CHST10: variants seen among roughly 807,000 people sequenced by gnomAD.
CHST10 encodes carbohydrate sulfotransferase 10.
In CHST10, 24 loss-of-function variants were observed where a neutral mutation model predicts 34.7. The observed-to-expected ratio is 0.69, with a 90% CI of 0.50 to 0.97. The LOEUF (loss-of-function observed/expected upper bound fraction) is 0.97, where lower values mean the gene tolerates loss of function less well. CHST10 is among the 50% of genes least tolerant of loss of function. The probability of loss-of-function intolerance (pLI) is 0.00; values close to 1 mark genes in which losing one functional copy is unlikely to be tolerated. For synonymous variants in CHST10, 161 were observed against 169.3 expected, an observed-to-expected ratio of 0.95 and a Z score of 0.38; for missense variants, 402 against 452.1, an observed-to-expected ratio of 0.89 and a Z score of 1.00.
At position 100,393,101 on chromosome 2, in the gene CHST10, G is replaced by A; in HGVS notation, c.*144C>T. 2.5e-6 allele frequency: 2 copies of A among 788,132 alleles called. No homozygotes were observed. The highest frequency in any genetic ancestry group is 4.1e-6 in the Non-Finnish European group (2 of 490,686). The allele number at this position is 788,132 out of a possible 1,614,324, so 48.8% of individuals were successfully genotyped here. A position where few individuals can be genotyped will look rare whatever the true frequency, so the allele number is the denominator to read the frequency against. ...TAACAGTTGGGGTTCTGCGTCATATGCCGAGGCAACTCACAGGCCTGTGGG... is the reference window on the plus strand; with the variant it reads ...TAACAGTTGGGGTTCTGCGTCATATACCGAGGCAACTCACAGGCCTGTGGG... On this transcript the variant is annotated 3_prime_UTR_variant, in exon 7 of 7. Transcript: ENST00000264249.
chr2:100,412,291 G>A (rs371900743), intron 2 of CHST10, among the ~76,000 whole-genome samples: 4 of 152,184 alleles, frequency 2.6e-5, no homozygotes, highest in East Asian at 1.9e-4. Flanking sequence ...GATGAGCTAC[G>A]AGGATCCACA....
At chr2:100,402,542 A>T in intron 4 of CHST10, 22 bp downstream of exon 4, 1 of 1,608,142 alleles carries the variant, frequency 6.2e-7, no homozygotes. Context: ...GAGGACAAGG[A>T]CCACGGCCTG....
chr2:100,393,420 A>C lies in CHST10; in HGVS notation c.896T>G (p.Ile299Ser), dbSNP rs1674889825. 1.2e-6 allele frequency: 2 copies of C among 1,614,094 alleles called. No individual in the cohort carries two copies. Residue 299 changes from isoleucine to serine, a missense_variant, in exon 7 of 7, where the codon ATT (isoleucine) becomes AGT (serine). Ile to Ser is a moderately radical substitution (Grantham distance 142). Transcript: ENST00000264249. ...DAPYILKEAG[I>S]DHLVSYPTIP... ...AGTCGGGTATGACACCAGGTGGTCA[A>C]TGCCAGCCTCTTTTAAGATGTATGG...
At chr2:100,400,472 G>A (rs763415660) in intron 4 of CHST10, among the ~76,000 whole-genome samples, 13 of 152,070 alleles carry the variant, frequency 8.5e-5, no homozygotes, top group African/African-American at 1.2e-4. Flanking sequence ...ACTCCTAGGC[G>A]CAATCGATTC....
chr2:100,411,869 A>G (rs1323454248), intron 2 of CHST10, among the ~76,000 whole-genome samples: 1 of 152,208 alleles, frequency 6.6e-6, no homozygotes, highest in Non-Finnish European at 1.5e-5. Flanking sequence ...GGTCTGGGAC[A>G]GCACAGTTAC....
At chr2:100,408,738 T>A (rs997424228) in intron 2 of CHST10, 6 of 152,188 alleles carry the variant, frequency 3.9e-5, no homozygotes, top group Admixed American at 3.9e-4. Flanking sequence ...AAACTGAGGC[T>A]TAGACTGTGG....
intron 5 of CHST10, among the ~76,000 whole-genome samples, chr2:100,395,856 G>A (rs1046783095): frequency 5.3e-5 from 8 of 152,210 alleles, no homozygotes; most frequent in Admixed American, 5.2e-4. Context: ...TTTCAGGGAG[G>A]AGGGGGAGGG....
At position 100,392,277 on chromosome 2, in the gene CHST10, C is replaced by A. The variant is rs1188948316; in HGVS notation, c.*968G>T. ...CGAAATGTATAAACTACACTGAATT[C>A]TGTGATGCTGGCAGGTTGCCCCTGC... is the stretch of plus-strand genomic sequence containing the variant. On this transcript the variant is annotated 3_prime_UTR_variant, in exon 7 of 7. Coordinates refer to ENST00000264249, the MANE Select transcript of CHST10 (RefSeq NM_004854.5). 6.6e-6 allele frequency: 1 copy of A among 152,642 alleles called. No individual in the cohort carries two copies. The highest frequency in any genetic ancestry group is 1.5e-5 in the Non-Finnish European group (1 of 68,064). The allele number at this position is 152,642 out of a possible 1,614,324, so 9.5% of individuals were successfully genotyped here.
intron 2 of CHST10, among the ~76,000 whole-genome samples, chr2:100,411,410 C>T (rs1333607250): frequency 2.0e-5 from 3 of 152,088 alleles, no homozygotes; most frequent in African/African-American, 7.2e-5. Context: ...CCACACCCGG[C>T]CTAGTTAAAA....
Position 100,392,860 on chromosome 2 carries a change from A to G in CHST10, c.*385T>C, listed in dbSNP as rs115167757. 0.033 allele frequency: 7,303 copies of G among 222,550 alleles called. 179 individuals are homozygous for G. Among genetic ancestry groups the G allele is most frequent in the Non-Finnish European group, 0.05 (5,513 of 111,188 alleles). 13.8% of individuals were successfully genotyped at this position (222,550 alleles called of 1,614,324 possible). A position where few individuals can be genotyped will look rare whatever the true frequency, so the allele number is the denominator to read the frequency against. On this transcript the variant is annotated 3_prime_UTR_variant, in exon 7 of 7. Coordinates refer to ENST00000264249, the MANE Select transcript of CHST10 (RefSeq NM_004854.5). ...CAACCCACCAGTGATGGGTGAAGCC[A>G]CCCTGACTAGCCAGGAGAACCTCAG...
At chr2:100,415,252 C>A in intron 1 of CHST10, 141 bp from the exon 2 acceptor site, 1 of 341,832 alleles carries the variant, frequency 2.9e-6, no homozygotes, top group Non-Finnish European at 5.3e-6. Flanking sequence ...GGGTCTCTTA[C>A]AAAGGCAGGT....
In CHST10 at chr2:100,407,484, G is replaced by A. The variant is rs1558643428; in HGVS notation, c.-32-777C>T. On this transcript the variant is annotated intron_variant, in intron 2 of 6. Coordinates refer to ENST00000264249, the MANE Select transcript of CHST10 (RefSeq NM_004854.5). ...GCTTCTTCAAGCCAAAGCTCTCCAC[G>A]TACAGACAAGACCCTGGGCTGAGCT... 3.3e-5 allele frequency among the ~76,000 whole-genome samples: 5 copies of A among 152,160 alleles called. No individual in the cohort carries two copies. The South Asian group carries it at 1.0e-3, about 32-fold the overall frequency.
At chr2:100,398,188 G>T in intron 4 of CHST10, 46 bp from the exon 5 acceptor site, 1 of 1,418,816 alleles carries the variant, frequency 7.0e-7, no homozygotes, top group South Asian at 1.3e-5. Flanking sequence ...CATTAAAGGA[G>T]GCAGGACCGG....
intron 2 of CHST10, among the ~76,000 whole-genome samples, chr2:100,411,052 C>T (rs1470470425): frequency 1.3e-5 from 2 of 150,758 alleles, no homozygotes; most frequent in African/African-American, 2.4e-5. Flanking sequence ...CATGAGAGGA[C>T]AGTAAGAGCT....
At chr2:100,399,233 A>T (rs1366464530) in intron 4 of CHST10, among the ~76,000 whole-genome samples, 1 of 152,020 alleles carries the variant, frequency 6.6e-6, no homozygotes, top group Non-Finnish European at 1.5e-5. Context: ...CCTCTCGAGT[A>T]GCTGGGACTA....
chr2:100,393,294 C>T lies in CHST10; in HGVS notation c.1022G>A (p.Gly341Glu). 6.2e-7 allele frequency: 1 copy of T among 1,614,154 alleles called. No homozygotes were observed. Among genetic ancestry groups the T allele is most frequent in the Non-Finnish European group, 8.5e-7 (1 of 1,180,026 alleles). Residue 341 changes from glycine (G) to glutamate (E), a missense_variant, in exon 7 of 7, where the codon GGG becomes GAG. Coordinates refer to ENST00000264249, the MANE Select transcript of CHST10 (RefSeq NM_004854.5). ...CTGGTACCCAAAGAGCTTAAAGTCC[C>T]CTTCGAAACGGGCATACAGGCGTCG... ...DIRRLYARFE[G>E]DFKLFGYQKP... is the part of the protein sequence containing the mutation.
intron 2 of CHST10, 109 bp downstream of exon 2, chr2:100,414,932 A>C: frequency 1.6e-6 from 1 of 633,882 alleles, no homozygotes; most frequent in Non-Finnish European, 2.4e-6. Context: ...GCACACATTT[A>C]CATACTCCTA....
At chr2:100,409,930 C>T (rs926709572) in intron 2 of CHST10, among the ~76,000 whole-genome samples, 1 of 152,164 alleles carries the variant, frequency 6.6e-6, no homozygotes, top group Non-Finnish European at 1.5e-5. Flanking sequence ...GCAGGGTTCC[C>T]ACCTCCTTCC....
intron 3 of CHST10, among the ~76,000 whole-genome samples, chr2:100,405,073 C>A (rs938249202): frequency 6.6e-6 from 1 of 152,228 alleles, no homozygotes; most frequent in Non-Finnish European, 1.5e-5. Context: ...GAACCCGGCT[C>A]TAGGGCTTCA....
Sources: allele counts gnomAD v4.1 joint callset (sites outside exome capture counted in the v4.1 genomes callset), GRCh38; gene constraint gnomAD v4.1.1; transcripts MANE v1.5; gene names NCBI Gene and HGNC (gene_info 2026-07-23, HGNC 2026-07-21).